Variants in UTY observed in about 807,000 individuals in gnomAD.
UTY encodes histone demethylase UTY.
Under a neutral mutation model 32.5 loss-of-function variants are expected in UTY, and 12 were observed. The ratio of observed to expected loss-of-function variants is 0.37; its 90% confidence interval spans 0.24 to 0.60. UTY has a LOEUF of 0.60. Among genes scored for constraint, UTY ranks in the 20% least tolerant of loss-of-function variants. UTY has a pLI of 0.69. For missense variants in UTY, 303 were observed against 299.2 expected, an observed-to-expected ratio of 1.01 and a Z score of -0.09; for synonymous variants, 131 against 103.4, an observed-to-expected ratio of 1.27 and a Z score of -1.62.
intron 6 of UTY, among the ~76,000 whole-genome samples, chrY:13,402,057 T>C: frequency 3.0e-5 from 1 of 33,361 alleles, no homozygotes; most frequent in East Asian, 7.7e-4. Context: ...TGCTTTACTA[T>C]TCCACACCCC....
chrY:13,253,509 A>G (rs2054390341), intron 28 of UTY, among the ~76,000 whole-genome samples: 1 of 33,219 alleles, frequency 3.0e-5, no homozygotes, highest in Non-Finnish European at 7.4e-5. Context: ...AGAGGGTGAT[A>G]TAGAGGCTTG....
At chrY:13,356,888 A>G in intron 15 of UTY, among the ~76,000 whole-genome samples, 1 of 31,442 alleles carries the variant, frequency 3.2e-5, no homozygotes, top group African/African-American at 1.3e-4. Context: ...AGTTAAATGT[A>G]TTATGGGGAA....
intron 28 of UTY, among the ~76,000 whole-genome samples, chrY:13,242,567 CA>C (rs2053914252): frequency 8.9e-5 from 3 of 33,738 alleles, no homozygotes; most frequent in Non-Finnish European, 2.2e-4. Flanking sequence ...AGATTCAATC[CA>C]ATCCCCACTG....
At chrY:13,369,169 A>T in intron 9 of UTY, 87 bp downstream of exon 9, 1 of 134,106 alleles carries the variant, frequency 7.5e-6, no homozygotes, top group Non-Finnish European at 1.3e-5. Flanking sequence ...AAATGAAAAC[A>T]AATGTCTAAG....
intron 8 of UTY, among the ~76,000 whole-genome samples, chrY:13,374,184 C>T: frequency 3.0e-5 from 1 of 32,932 alleles, no homozygotes; most frequent in Admixed American, 2.8e-4. Flanking sequence ...GGGCACATGC[C>T]ATTACCACCA....
intron 3 of UTY, among the ~76,000 whole-genome samples, chrY:13,462,742 C>G: frequency 6.3e-5 from 2 of 31,819 alleles, no homozygotes; most frequent in African/African-American, 2.5e-4. Flanking sequence ...CATTCATGAA[C>G]AAGTGTTTGT....
intron 21 of UTY, among the ~76,000 whole-genome samples, chrY:13,315,245 A>C: frequency 2.9e-5 from 1 of 34,240 alleles, no homozygotes; most frequent in Non-Finnish European, 7.3e-5. Flanking sequence ...CCAGATATGA[A>C]AGGACAAATA....
At chrY:13,252,007 C>T in intron 28 of UTY, among the ~76,000 whole-genome samples, 3 of 28,872 alleles carry the variant, frequency 1.0e-4, no homozygotes, top group Non-Finnish European at 2.5e-4. Flanking sequence ...GGTGAAACCC[C>T]GTCTCTACTA....
intron 21 of UTY, 95 bp from the exon 22 acceptor site, chrY:13,306,345 A>G: frequency 5.5e-6 from 1 of 181,595 alleles, no homozygotes; most frequent in Non-Finnish European, 9.4e-6. Context: ...AGCAGTATTG[A>G]CTATTTTTGA....
chrY:13,460,104 C>T, intron 3 of UTY, among the ~76,000 whole-genome samples: 1 of 32,574 alleles, frequency 3.1e-5, no homozygotes, highest in Non-Finnish European at 7.5e-5. Flanking sequence ...TTCCTAAGTA[C>T]CTGAAATTCA....
At chrY:13,410,044 A>T in intron 6 of UTY, among the ~76,000 whole-genome samples, 1 of 33,893 alleles carries the variant, frequency 3.0e-5, no homozygotes, top group Non-Finnish European at 7.4e-5. Context: ...AACCATGTGT[A>T]TAACTGTTAT....
intron 27 of UTY, among the ~76,000 whole-genome samples, chrY:13,292,033 C>T: frequency 3.0e-5 from 1 of 33,245 alleles, no homozygotes; most frequent in Middle Eastern, 0.013. Flanking sequence ...TGGAACACAA[C>T]AAGGATGACC....
chrY:13,272,689 C>T, intron 27 of UTY, among the ~76,000 whole-genome samples: 1 of 33,595 alleles, frequency 3.0e-5, no homozygotes, highest in Non-Finnish European at 7.4e-5. Context: ...ATGTAACAAA[C>T]GAACTTTATG....
At chrY:13,241,367 C>G in intron 28 of UTY, among the ~76,000 whole-genome samples, 1 of 32,360 alleles carries the variant, frequency 3.1e-5, no homozygotes, top group East Asian at 7.8e-4. Context: ...ATAACAAAGG[C>G]AAGTAAAAAA....
At chrY:13,388,310 C>T (rs563927349) in intron 8 of UTY, among the ~76,000 whole-genome samples, 12 of 34,132 alleles carry the variant, frequency 3.5e-4, no homozygotes, top group Non-Finnish European at 8.1e-4. Context: ...TTATGTTATA[C>T]ATGTGTCTTT....
intron 9 of UTY, among the ~76,000 whole-genome samples, chrY:13,368,231 A>AT (rs35344285): frequency 4.0e-3 from 63 of 15,861 alleles, no homozygotes; most frequent in South Asian, 0.018. Flanking sequence ...ATGCCTGGCT[A>AT]TTTTTTTTTT....
intron 27 of UTY, among the ~76,000 whole-genome samples, chrY:13,292,498 A>T: frequency 3.2e-5 from 1 of 31,618 alleles, no homozygotes; most frequent in Non-Finnish European, 7.7e-5. Flanking sequence ...GGAAAAAGAT[A>T]TTCAGAAATA....
intron 25 of UTY, among the ~76,000 whole-genome samples, chrY:13,300,517 G>A (rs2058317544): frequency 6.0e-5 from 2 of 33,195 alleles, no homozygotes; most frequent in African/African-American, 2.4e-4. Flanking sequence ...CTTGGGAGTC[G>A]GACGTTGCAG....
At chrY:13,309,982 C>T (rs2058927364) in intron 21 of UTY, among the ~76,000 whole-genome samples, 3 of 31,862 alleles carry the variant, frequency 9.4e-5, no homozygotes, top group African/African-American at 3.7e-4. Context: ...TTTGGGAGGC[C>T]GAGACGGGCA....
Sources: gnomAD v4.1 joint callset for allele counts (sites outside exome capture counted in the v4.1 genomes callset) on GRCh38, gnomAD v4.1.1 for gene constraint, MANE v1.5 for transcripts, NCBI Gene and HGNC (gene_info 2026-07-23, HGNC 2026-07-21) for gene names.